STK3: variants seen among roughly 807,000 people sequenced by gnomAD.
The protein encoded by STK3 is serine/threonine-protein kinase 3.
Under a neutral mutation model 58.0 loss-of-function variants are expected in STK3, and 41 were observed. The ratio of observed to expected loss-of-function variants is 0.71; its 90% CI spans 0.55 to 0.92. The LOEUF (loss-of-function observed/expected upper bound fraction) is 0.92, where lower values mean the gene tolerates loss of function less well. Among genes scored for constraint, STK3 ranks in the 40% least tolerant of loss-of-function variants. The pLI, the probability that STK3 is intolerant of heterozygous loss-of-function variation, is 0.00. For missense variants in STK3, 479 were observed against 602.7 expected (o/e 0.79, Z 2.15); for synonymous variants, 170 against 191.0 (o/e 0.89, Z 0.91).
intron 4 of STK3, among the ~76,000 whole-genome samples, chr8:98,737,574 A>G (rs945232661): frequency 1.3e-5 from 2 of 152,258 alleles, no homozygotes; most frequent in African/African-American, 4.8e-5. Flanking sequence ...AATAACAAAA[A>G]TATATGAGAT....
intron 10 of STK3, among the ~76,000 whole-genome samples, chr8:98,481,648 C>G (rs989892501): frequency 6.7e-6 from 1 of 149,966 alleles, no homozygotes; most frequent in Admixed American, 6.7e-5. Flanking sequence ...GTGATGGGTA[C>G]ACTAGCAGCC....
chr8:98,578,822 C>T (rs924813884), intron 8 of STK3, among the ~76,000 whole-genome samples: 11 of 152,214 alleles, frequency 7.2e-5, no homozygotes, highest in African/African-American at 2.6e-4. Flanking sequence ...ACTTGAAACA[C>T]AAAGGCAAAA....
chr8:98,412,904 C>T (rs980370019), intron 3 of STK3: 7 of 259,264 alleles, frequency 2.7e-5, no homozygotes, highest in Non-Finnish European at 5.1e-5. Context: ...AGAAGATTCA[C>T]TATCTGAACT....
chr8:98,602,985 C>T (rs1411449634), intron 6 of STK3, among the ~76,000 whole-genome samples: 6 of 152,008 alleles, frequency 3.9e-5, no homozygotes, highest in Admixed American at 2.0e-4. Context: ...TTCTAAAATG[C>T]CAATCCCCAG....
At position 98,930,714 on chromosome 8, in the gene STK3, C is replaced by T. The variant is rs556233605; in HGVS notation, c.-79+11664G>A. On this transcript the variant is annotated intron_variant, in intron 1 of 1. Coordinates refer to the STK3 transcript ENST00000519420. ...ATTTCCAGGAACTGAGTCTGGCAGC[C>T]GGTTCACTGTTGTCTTCTAGAATTT... Among the ~76,000 whole-genome samples, 71 of 152,242 alleles carry T rather than the reference C, an allele frequency of 4.7e-4. 1 individual carries two copies. The South Asian group carries it at 0.014, about 29-fold the overall frequency.
At chr8:98,929,990 T>C (rs1839948291) in intron 1 of STK3, among the ~76,000 whole-genome samples, 1 of 152,246 alleles carries the variant, frequency 6.6e-6, no homozygotes, top group South Asian at 2.1e-4. Flanking sequence ...TTCTCCAATA[T>C]ATAACCTTTC....
chr8:98,425,219 G>A (rs111262114), intron 3 of STK3, among the ~76,000 whole-genome samples: 93 of 152,264 alleles, frequency 6.1e-4, no homozygotes, highest in Admixed American at 1.0e-3. Context: ...CTCCAATGAT[G>A]GACCCAGCAG....
chr8:98,743,783 T>C (rs1000458212), intron 4 of STK3, among the ~76,000 whole-genome samples: 2 of 151,530 alleles, frequency 1.3e-5, no homozygotes, highest in African/African-American at 2.4e-5. Flanking sequence ...GAAACTACCA[T>C]CAGAGTGAAC....
chr8:98,364,456 C>T, the STK3 span, among the ~76,000 whole-genome samples: 2 of 152,160 alleles, frequency 1.3e-5, no homozygotes, highest in Non-Finnish European at 2.9e-5. Context: ...AGTCTGTTTC[C>T]CCGGAGGCTG....
intron 3 of STK3, among the ~76,000 whole-genome samples, chr8:98,864,065 G>A (rs1036118645): frequency 1.3e-5 from 2 of 151,886 alleles, no homozygotes; most frequent in African/African-American, 2.4e-5. Context: ...CGGGTGTGGT[G>A]GCGGGTGCCT....
At chr8:98,734,648 G>A (rs1828439930) in intron 4 of STK3, among the ~76,000 whole-genome samples, 2 of 152,058 alleles carry the variant, frequency 1.3e-5, no homozygotes, top group Non-Finnish European at 2.9e-5. Context: ...CAATTTCACA[G>A]AGTTATGCAT....
At chr8:98,812,320 A>C (rs562971985) in intron 1 of STK3, among the ~76,000 whole-genome samples, 15 of 152,346 alleles carry the variant, frequency 9.8e-5, no homozygotes, top group African/African-American at 2.6e-4. Flanking sequence ...GAGAAATGCA[A>C]ATCAAAACCA....
intron 10 of STK3, among the ~76,000 whole-genome samples, chr8:98,516,703 T>C (rs912541530): frequency 5.3e-5 from 8 of 152,198 alleles, no homozygotes; most frequent in Non-Finnish European, 1.2e-4. Context: ...TCACTGAAGT[T>C]CTAATGAATT....
At chr8:98,607,254 G>C (rs1462313437) in intron 6 of STK3, among the ~76,000 whole-genome samples, 1 of 152,206 alleles carries the variant, frequency 6.6e-6, no homozygotes, top group African/African-American at 2.4e-5. Context: ...AGGTGTTCAT[G>C]AACTCCTTCA....
At chr8:98,377,505 T>C (rs1396665793) in intron 2 of STK3, among the ~76,000 whole-genome samples, 3 of 151,716 alleles carry the variant, frequency 2.0e-5, no homozygotes, top group Admixed American at 2.0e-4. Context: ...ATATTAATAG[T>C]AAATGTCTAA....
chr8:98,915,872 C>T (rs1314865599), intron 1 of STK3, among the ~76,000 whole-genome samples: 1 of 152,060 alleles, frequency 6.6e-6, no homozygotes, highest in African/African-American at 2.4e-5. Context: ...TTACTAGTGA[C>T]CAATATCATT....
chr8:98,889,165 T>C (rs1370533481), intron 1 of STK3, among the ~76,000 whole-genome samples: 2 of 152,130 alleles, frequency 1.3e-5, no homozygotes, highest in African/African-American at 4.8e-5. Flanking sequence ...TGGGAACCAT[T>C]CCTTTTCAGA....
intron 1 of STK3, among the ~76,000 whole-genome samples, chr8:98,790,589 C>A (rs1040094980): frequency 6.6e-6 from 1 of 152,174 alleles, no homozygotes; most frequent in Non-Finnish European, 1.5e-5. Context: ...TGAAAGCACT[C>A]CCTCTGAGAA....
intron 1 of STK3, among the ~76,000 whole-genome samples, chr8:98,937,594 G>A (rs1179287648): frequency 6.6e-6 from 1 of 152,226 alleles, no homozygotes; most frequent in South Asian, 2.1e-4. Flanking sequence ...AAGTCAGGAT[G>A]AAAGTTCAAG....
Sources: gnomAD v4.1 joint callset for allele counts (sites outside exome capture counted in the v4.1 genomes callset) on GRCh38, gnomAD v4.1.1 for gene constraint, MANE v1.5 for transcripts, NCBI Gene and HGNC (gene_info 2026-07-23, HGNC 2026-07-21) for gene names.